DNM3: variants seen among roughly 807,000 people sequenced by gnomAD.
DNM3 encodes dynamin 3.
A neutral mutation model predicts 101.6 loss-of-function variants in DNM3; 47 were observed. The ratio of observed to expected loss-of-function variants is 0.46; its 90% CI spans 0.37 to 0.59. DNM3 has a LOEUF of 0.59. Among genes scored for constraint, DNM3 ranks in the 20% least tolerant of loss-of-function variants. DNM3 has a pLI of 0.00. For missense variants in DNM3, 849 were observed against 1,085.7 expected, an observed-to-expected ratio of 0.78 and a Z score of 3.06; for synonymous variants, 385 against 387.9, an observed-to-expected ratio of 0.99 and a Z score of 0.09.
intron 14 of DNM3, among the ~76,000 whole-genome samples, chr1:172,226,815 T>A (rs2061140071): frequency 6.6e-6 from 1 of 152,212 alleles, no homozygotes; most frequent in South Asian, 2.1e-4. Context: ...TATGTCCATT[T>A]GTGAAAGCAT....
chr1:172,362,353 T>G (rs990224439), intron 17 of DNM3, among the ~76,000 whole-genome samples: 4 of 151,940 alleles, frequency 2.6e-5, no homozygotes, highest in Admixed American at 6.6e-5. Context: ...GAAAAGATTT[T>G]AGCAATCAAA....
intron 2 of DNM3, among the ~76,000 whole-genome samples, chr1:171,959,690 G>A (rs559506124): frequency 1.3e-5 from 2 of 152,280 alleles, no homozygotes; most frequent in Non-Finnish European, 2.9e-5. Context: ...ATAAAGAGAA[G>A]GAAGGGGTCA....
intron 14 of DNM3, among the ~76,000 whole-genome samples, chr1:172,198,290 T>G (rs1004641069): frequency 5.9e-5 from 9 of 152,148 alleles, no homozygotes; most frequent in African/African-American, 1.9e-4. Flanking sequence ...TAGATTAGCT[T>G]TTTGATGTGC....
chr1:171,902,770 C>T (rs1483135399), intron 1 of DNM3, among the ~76,000 whole-genome samples: 1 of 152,048 alleles, frequency 6.6e-6, no homozygotes, highest in Admixed American at 6.6e-5. Flanking sequence ...TTGGAAATTC[C>T]AATTTGCCAC....
chr1:172,113,628 A>AC (rs2055662766), intron 13 of DNM3, among the ~76,000 whole-genome samples: 2 of 150,968 alleles, frequency 1.3e-5, no homozygotes, highest in African/African-American at 4.8e-5. Context: ...CTCAAAAAAA[A>AC]AAAAAAAAAA....
intron 14 of DNM3, among the ~76,000 whole-genome samples, chr1:172,233,399 T>C (rs1398295776): frequency 1.3e-5 from 2 of 152,072 alleles, no homozygotes; most frequent in African/African-American, 4.8e-5. Flanking sequence ...CAATAATCAA[T>C]AGCTTACCAA....
chr1:172,037,142 A>G (rs2049029622), intron 6 of DNM3, among the ~76,000 whole-genome samples: 1 of 152,076 alleles, frequency 6.6e-6, no homozygotes, highest in South Asian at 2.1e-4. Context: ...AGGAAACAAC[A>G]GGTGCTGCAG....
At chr1:172,099,689 A>AT (rs2054498447) in intron 13 of DNM3, among the ~76,000 whole-genome samples, 2 of 152,220 alleles carry the variant, frequency 1.3e-5, no homozygotes, top group Non-Finnish European at 2.9e-5. Flanking sequence ...AGGAAAAGAA[A>AT]TTATGAGGTG....
At chr1:171,989,263 T>A in intron 4 of DNM3, 115 bp downstream of exon 4, 1 of 776,356 alleles carries the variant, frequency 1.3e-6, no homozygotes, top group African/African-American at 1.8e-5. Context: ...TAGCCATTAT[T>A]AATGTTGTTA....
At chr1:171,882,602 CAAT>C (rs2036385102) in intron 1 of DNM3, among the ~76,000 whole-genome samples, 2 of 152,034 alleles carry the variant, frequency 1.3e-5, no homozygotes, top group Non-Finnish European at 2.9e-5. Context: ...CCTATTATCC[CAAT>C]AATATTTTTT....
rs371889035 is a variant in DNM3 at position 172,033,109 on chromosome 1, C to T, written c.693C>T (p.Tyr231=). 2.0e-5 allele frequency: 32 copies of T among 1,611,582 alleles called. No homozygotes were observed. The highest frequency in any genetic ancestry group is 3.3e-4 in the Middle Eastern group (2 of 6,044). ...ENKLLPLRRG[Y]VGVVNRSQKD... ...TAGATTTGTGTTTTGTTTCAGGTTA[C>T]GTGGGGGTGGTAAACAGAAGCCAGA... Residue 231 remains tyrosine, a synonymous_variant, in exon 6 of 21, where the codon TAC becomes TAT. Coordinates refer to ENST00000627582, the MANE Select transcript of DNM3 (RefSeq NM_015569.5).
chr1:172,296,416 GGTTTGAA>G (rs2064164611), intron 15 of DNM3, among the ~76,000 whole-genome samples: 1 of 152,186 alleles, frequency 6.6e-6, no homozygotes, highest in Non-Finnish European at 1.5e-5. Context: ...GTCATTTCCA[GGTTTGAA>G]CCTGGGAGCA....
chr1:172,123,242 G>T (rs2056423893), intron 13 of DNM3, among the ~76,000 whole-genome samples: 1 of 152,096 alleles, frequency 6.6e-6, no homozygotes, highest in Admixed American at 6.6e-5. Flanking sequence ...TGATTATTTT[G>T]TGTCTCAATT....
intron 1 of DNM3, among the ~76,000 whole-genome samples, chr1:171,905,818 G>A (rs1184242482): frequency 6.6e-6 from 1 of 152,100 alleles, no homozygotes; most frequent in Non-Finnish European, 1.5e-5. Flanking sequence ...ATGGAGACTA[G>A]TAGATTGTGA....
chr1:172,097,909 T>C (rs1255230084), intron 13 of DNM3, among the ~76,000 whole-genome samples: 1 of 151,654 alleles, frequency 6.6e-6, no homozygotes, highest in Admixed American at 6.6e-5. Context: ...CCAGCAAGTT[T>C]TTATTAGTGA....
chr1:171,910,287 C>A (rs1436592082), intron 1 of DNM3, among the ~76,000 whole-genome samples: 1 of 152,190 alleles, frequency 6.6e-6, no homozygotes, highest in Non-Finnish European at 1.5e-5. Context: ...TGAAAAGACT[C>A]AATGGAAAAT....
At chr1:172,117,560 C>T (rs961982665) in intron 13 of DNM3, among the ~76,000 whole-genome samples, 2 of 152,104 alleles carry the variant, frequency 1.3e-5, no homozygotes, top group African/African-American at 4.8e-5. Context: ...CTTTCATCTC[C>T]CACCATGATT....
chr1:172,257,138 A>G (rs918409724), intron 15 of DNM3, among the ~76,000 whole-genome samples: 37 of 152,070 alleles, frequency 2.4e-4, no homozygotes, highest in African/African-American at 6.5e-4. Flanking sequence ...GTATTTTGCA[A>G]TGTCTATAGT....
rs567866700 is a variant in DNM3 at position 172,231,567 on chromosome 1, A to C, written c.1660-22006A>C. 2.0e-5 allele frequency among the ~76,000 whole-genome samples: 3 copies of C among 152,302 alleles called. No homozygotes were observed. The South Asian group carries it at 6.2e-4, about 32-fold the overall frequency. On this transcript the variant is annotated intron_variant, in intron 14 of 20. Transcript: ENST00000627582. ...CTCCTCCAAAGGAACACAGCTCCTC[A>C]CCAGCAATGGAACAAAGCTGGATGG... is the stretch of plus-strand genomic sequence containing the variant.
Sources: gnomAD v4.1 joint callset for allele counts (sites outside exome capture counted in the v4.1 genomes callset) on GRCh38, gnomAD v4.1.1 for gene constraint, MANE v1.5 for transcripts, NCBI Gene and HGNC (gene_info 2026-07-23, HGNC 2026-07-21) for gene names.